The following HS6ST2 variants were observed in gnomAD, a reference collection of about 807,000 sequenced individuals.
HS6ST2 encodes the protein heparan sulfate 6-O-sulfotransferase 2, also known as heparan-sulfate 6-O-sulfotransferase 2.
Under a neutral mutation model 33.0 loss-of-function variants are expected in HS6ST2, and 17 were observed. That is an observed-to-expected ratio of 0.52 (90% CI 0.35 to 0.77). The LOEUF is 0.77. Ranked by LOEUF, HS6ST2 falls within the 30% of genes least tolerant of loss-of-function variation. The pLI, the probability that HS6ST2 is intolerant of heterozygous loss-of-function variation, is 0.01. For synonymous variants in HS6ST2, 248 were observed against 237.1 expected (o/e 1.05, Z -0.42); for missense variants, 519 against 551.7 (o/e 0.94, Z 0.59).
chrX:132,684,044 G>T (rs2063995330), intron 3 of HS6ST2, among the ~76,000 whole-genome samples: 2 of 109,302 alleles, frequency 1.8e-5, no homozygotes, highest in Admixed American at 1.0e-4. Context: ...GAGTTTCCCA[G>T]CAACGAAGGC....
At chrX:132,753,642 A>T (rs1211094369) in intron 2 of HS6ST2, among the ~76,000 whole-genome samples, 2 of 111,944 alleles carry the variant, frequency 1.8e-5, no homozygotes, top group African/African-American at 6.5e-5. Context: ...ACTTTACTTT[A>T]TAAATTACCC....
intron 2 of HS6ST2, among the ~76,000 whole-genome samples, chrX:132,796,394 C>G (rs2065180352): frequency 8.9e-6 from 1 of 112,321 alleles, no homozygotes; most frequent in South Asian, 3.7e-4. Flanking sequence ...ATAACTGAGT[C>G]TGGCCTAGGG....
intron 2 of HS6ST2, among the ~76,000 whole-genome samples, chrX:132,919,883 T>G (rs1390933265): frequency 8.9e-6 from 1 of 112,217 alleles, no homozygotes; most frequent in Non-Finnish European, 1.9e-5. Context: ...AAGATTTCAT[T>G]TGATTGATCT....
intron 2 of HS6ST2, among the ~76,000 whole-genome samples, chrX:132,830,507 C>A (rs185057660): frequency 1.3e-4 from 15 of 111,953 alleles, no homozygotes; most frequent in African/African-American, 4.5e-4. Context: ...TTGAGACTCA[C>A]ATTTTTTCCA....
chrX:132,948,995 A>C (rs2066983113), intron 2 of HS6ST2, among the ~76,000 whole-genome samples: 1 of 111,877 alleles, frequency 8.9e-6, no homozygotes, highest in African/African-American at 3.2e-5. Flanking sequence ...GTGGTCCCTC[A>C]GATATTGGAA....
chrX:132,816,881 C>A (rs1412066747), intron 2 of HS6ST2, among the ~76,000 whole-genome samples: 1 of 111,090 alleles, frequency 9.0e-6, no homozygotes, highest in Non-Finnish European at 1.9e-5. Flanking sequence ...ACAACAGAAC[C>A]AGCATGGACT....
intron 2 of HS6ST2, among the ~76,000 whole-genome samples, chrX:132,928,159 C>T (rs751536496): frequency 1.9e-5 from 2 of 105,819 alleles, no homozygotes; most frequent in African/African-American, 3.5e-5. Flanking sequence ...CACTCTGTTG[C>T]CCAGGCTGGA....
intron 2 of HS6ST2, among the ~76,000 whole-genome samples, chrX:132,879,915 C>T (rs1230213787): frequency 9.0e-6 from 1 of 111,405 alleles, no homozygotes; most frequent in Admixed American, 9.6e-5. Flanking sequence ...CTATTCCTCC[C>T]CTGGCACATC....
chrX:132,878,411 G>A (rs1413626225), intron 2 of HS6ST2, among the ~76,000 whole-genome samples: 1 of 112,143 alleles, frequency 8.9e-6, no homozygotes, highest in Non-Finnish European at 1.9e-5. Context: ...AACATCTGGT[G>A]TCAACACTTG....
At chrX:132,700,668 T>A (rs1034442609) in intron 3 of HS6ST2, among the ~76,000 whole-genome samples, 3 of 109,518 alleles carry the variant, frequency 2.7e-5, no homozygotes, top group African/African-American at 1.0e-4. Flanking sequence ...GCCACAAATA[T>A]GCCTGGAAAG....
chrX:132,803,512 G>A (rs1034107505), intron 2 of HS6ST2, among the ~76,000 whole-genome samples: 9 of 111,744 alleles, frequency 8.1e-5, no homozygotes, highest in Admixed American at 3.8e-4. Context: ...TGGTTCAAGC[G>A]ATTCTCGTGC....
chrX:132,675,341 A>G (rs5930575), intron 3 of HS6ST2, among the ~76,000 whole-genome samples: 1,974 of 111,705 alleles, frequency 0.018, 26 homozygotes, highest in Middle Eastern at 0.028. Flanking sequence ...GAAGCATCCT[A>G]TGCCAGAATC....
At chrX:132,708,630 G>A (rs923531912) in intron 2 of HS6ST2, 136 bp from the exon 3 acceptor site, 1 of 523,962 alleles carries the variant, frequency 1.9e-6, no homozygotes, top group Admixed American at 3.1e-5. Flanking sequence ...CTCATAGATG[G>A]CTTCTCCACT....
chrX:132,637,177 G>T (rs2063555273), intron 4 of HS6ST2, among the ~76,000 whole-genome samples: 1 of 112,358 alleles, frequency 8.9e-6, no homozygotes, highest in Non-Finnish European at 1.9e-5. Flanking sequence ...TGTTAGAAAT[G>T]CACACTCTCA....
chrX:132,654,559 A>T (rs899307748), intron 4 of HS6ST2, among the ~76,000 whole-genome samples: 12 of 112,228 alleles, frequency 1.1e-4, no homozygotes, highest in Non-Finnish European at 1.1e-4. Context: ...AGAATCTTTA[A>T]AGTTCAAGGA....
intron 4 of HS6ST2, among the ~76,000 whole-genome samples, chrX:132,651,140 T>A (rs1263845302): frequency 8.9e-6 from 1 of 112,135 alleles, no homozygotes; most frequent in Non-Finnish European, 1.9e-5. Context: ...CTTTGAACAT[T>A]AGAACAACTA....
At chrX:132,709,381 T>C (rs2064210862) in intron 2 of HS6ST2, among the ~76,000 whole-genome samples, 1 of 112,139 alleles carries the variant, frequency 8.9e-6, no homozygotes, top group African/African-American at 3.2e-5. Context: ...TTACAGCAAA[T>C]ACGCTTTGCA....
chrX:132,850,982 G>A (rs371013548), intron 2 of HS6ST2, among the ~76,000 whole-genome samples: 1 of 111,756 alleles, frequency 8.9e-6, no homozygotes, highest in East Asian at 2.8e-4. Flanking sequence ...TCCTCTTCCA[G>A]CTTCACAATT....
intron 2 of HS6ST2, among the ~76,000 whole-genome samples, chrX:132,824,446 G>A (rs2065496229): frequency 8.9e-6 from 1 of 112,300 alleles, no homozygotes; most frequent in African/African-American, 3.2e-5. Context: ...GTGTATCTTT[G>A]AACAAAGGCC....
Sources: allele counts gnomAD v4.1 joint callset (sites outside exome capture counted in the v4.1 genomes callset), GRCh38; gene constraint gnomAD v4.1.1; transcripts MANE v1.5; gene names NCBI Gene and HGNC (gene_info 2026-07-23, HGNC 2026-07-21).